The following CFAP47 variants were observed in gnomAD, a reference collection of about 807,000 sequenced individuals.
The protein encoded by CFAP47 is cilia and flagella associated protein 47.
Under a neutral mutation model 148.1 loss-of-function variants are expected in CFAP47, and 29 were observed. The ratio of observed to expected loss-of-function variants is 0.20; its 90% CI spans 0.15 to 0.27. CFAP47 has a LOEUF of 0.27. CFAP47 is among the 10% of genes least tolerant of loss of function. The pLI, the probability that CFAP47 is intolerant of heterozygous loss-of-function variation, is 1.00. For synonymous variants in CFAP47, 664 were observed against 577.3 expected (o/e 1.15, Z -2.15); for missense variants, 1,872 against 1,697.5 (o/e 1.10, Z -1.81).
At chrX:36,120,926 G>A (rs1938731871) in intron 33 of CFAP47, among the ~76,000 whole-genome samples, 1 of 111,325 alleles carries the variant, frequency 9.0e-6, no homozygotes, top group Admixed American at 9.6e-5. Flanking sequence ...TTGATTTTCT[G>A]TCTGGAAGAG....
chrX:36,107,477 A>G (rs1193368022), intron 33 of CFAP47, among the ~76,000 whole-genome samples: 1 of 112,709 alleles, frequency 8.9e-6, no homozygotes, highest in Non-Finnish European at 1.9e-5. Flanking sequence ...TCTTAAATAA[A>G]TCAATGGCTA....
intron 51 of CFAP47, 84 bp from the exon 52 acceptor site, chrX:36,298,893 T>C (rs898342049): frequency 1.8e-6 from 1 of 566,881 alleles, no homozygotes; most frequent in Non-Finnish European, 2.8e-6. Flanking sequence ...TATTATGTAA[T>C]AATTTCCTTT....
Position 36,121,702 on chromosome X carries a change from T to A in CFAP47, c.5321-16256T>A, listed in dbSNP as rs1012077066. 5.4e-5 allele frequency among the ~76,000 whole-genome samples: 6 copies of A among 111,394 alleles called. No individual in the cohort carries two copies. In the East Asian group the frequency reaches 1.4e-3, roughly 26 times the overall value. On this transcript the variant is annotated intron_variant, in intron 33 of 63. Transcript: ENST00000378653. ...CATCCCTCCCCATCTTCTGAACTTT[T>A]TATTGTTTCTTTTTATATTGTATAG...
intron 62 of CFAP47, among the ~76,000 whole-genome samples, chrX:36,370,197 C>A (rs782515149): frequency 9.1e-5 from 10 of 109,888 alleles, no homozygotes; most frequent in African/African-American, 3.0e-4. Flanking sequence ...GTTTGCTGCA[C>A]CCATCAACTC....
chrX:36,254,423 G>A (rs1479456368), intron 49 of CFAP47, among the ~76,000 whole-genome samples: 1 of 111,100 alleles, frequency 9.0e-6, no homozygotes, highest in Non-Finnish European at 1.9e-5. Flanking sequence ...TGCACTGGGA[G>A]CCATTGAAGA....
intron 11 of CFAP47, 85 bp from the exon 12 acceptor site, chrX:35,971,501 A>G (rs767685679): frequency 1.5e-5 from 9 of 593,000 alleles, no homozygotes; most frequent in Non-Finnish European, 2.5e-6. Flanking sequence ...AGCAATATGC[A>G]CTATGGGAAA....
intron 11 of CFAP47, 97 bp from the exon 12 acceptor site, chrX:35,971,489 G>A: frequency 1.9e-6 from 1 of 518,477 alleles, no homozygotes. Context: ...GAGTGAGGCA[G>A]CAGCAATATG....
chrX:36,099,904 GC>G (rs1466654426), intron 32 of CFAP47, 25 bp downstream of exon 32: 1 of 820,224 alleles, frequency 1.2e-6, no homozygotes, highest in Non-Finnish European at 1.8e-6. Flanking sequence ...ATTGTTCGCT[GC>G]TTCTCTGTTG....
rs1378901303 is a variant in CFAP47, at chrX:36,029,907, A to ATTTC, written c.3557-1343_3557-1342insCTTT. Among the ~76,000 whole-genome samples, 590 of 110,364 alleles carry ATTTC rather than the reference A, an allele frequency of 5.3e-3. 5 individuals carry two copies. The highest frequency in any genetic ancestry group is 0.018 in the African/African-American group (565 of 30,631). ...CAAGAGTTCTTAGTATTTACTAATT[A>ATTTC]TTTATTTATAGCCTGTTATTTTTGG... On this transcript the variant is annotated intron_variant, in intron 22 of 63. Coordinates refer to ENST00000378653, the MANE Select transcript of CFAP47 (RefSeq NM_001304548.2).
chrX:36,077,054 A>T (rs996839747), intron 29 of CFAP47, among the ~76,000 whole-genome samples: 12 of 109,523 alleles, frequency 1.1e-4, no homozygotes, highest in Non-Finnish European at 2.3e-4. Context: ...CTGTAGCTAT[A>T]CAGCTTTATT....
chrX:36,311,115 A>C (rs1556009908), intron 56 of CFAP47, 126 bp downstream of exon 56: 1 of 417,414 alleles, frequency 2.4e-6, no homozygotes, highest in Admixed American at 5.6e-5. Context: ...ATTATCTTAT[A>C]AAAGAGAAAA....
chrX:36,153,968 A>T (rs1023731686), intron 37 of CFAP47, among the ~76,000 whole-genome samples: 2 of 111,866 alleles, frequency 1.8e-5, no homozygotes, highest in Non-Finnish European at 3.8e-5. Flanking sequence ...GGCAGCAAGG[A>T]TGATCTCTGA....
chrX:36,067,834 T>C (rs763664650), intron 27 of CFAP47, among the ~76,000 whole-genome samples: 11 of 109,248 alleles, frequency 1.0e-4, no homozygotes, highest in African/African-American at 1.0e-4. Flanking sequence ...GGCTAATCTT[T>C]TTGTATTTTT....
chrX:36,232,129 A>C (rs1476577599), intron 46 of CFAP47, among the ~76,000 whole-genome samples: 4 of 111,657 alleles, frequency 3.6e-5, no homozygotes, highest in Admixed American at 9.5e-5. Flanking sequence ...CGGCATCATA[A>C]AATGAGTTAG....
chrX:36,286,036 G>T, intron 51 of CFAP47, among the ~76,000 whole-genome samples: 1 of 111,179 alleles, frequency 9.0e-6, no homozygotes, highest in Non-Finnish European at 1.9e-5. Context: ...ATAAAAACAG[G>T]ATTGTGCTAC....
rs781917401 is a variant in CFAP47 at position 36,294,563 on chromosome X, T to A, written c.7687-4414T>A. On this transcript the variant is annotated intron_variant, in intron 51 of 63. Transcript: ENST00000378653. ...GTCTCTACTAAAAATACAAAAAAAA[T>A]TAGCCAGGCATGGTGGCAGGCGCCT... Among the ~76,000 whole-genome samples, 5 of 109,588 alleles carry A rather than the reference T, an allele frequency of 4.6e-5. No individual in the cohort carries two copies. The East Asian group carries it at 1.4e-3, about 32-fold the overall frequency.
At chrX:35,978,563 T>C (rs937161135) in intron 15 of CFAP47, among the ~76,000 whole-genome samples, 1 of 112,075 alleles carries the variant, frequency 8.9e-6, no homozygotes, top group African/African-American at 3.2e-5. Flanking sequence ...AAAATTTTTG[T>C]GTAGGTAATG....
Position 35,951,915 on chromosome X carries a change from C to G in CFAP47, c.998C>G (p.Thr333Ser). The part of the protein sequence containing the change: ...IIISCLPNEG[T>S]LQPYQKTVIT... ...ATCTCCTGTCTTCCTAATGAAGGGA[C>G]TTTACAACCTTATCAAAAGACTGTA... is the stretch of plus-strand genomic sequence containing the variant. The change falls in exon 6 of 64, where the codon ACT becomes AGT. Residue 333 changes from threonine to serine, a missense_variant. By Grantham distance (58) the Thr-to-Ser change is moderately conservative. Transcript: ENST00000378653. The G allele has an allele frequency of 8.5e-7, 1 of 1,173,289 alleles. No individual in the cohort carries two copies. The highest frequency in any genetic ancestry group is 1.1e-6 in the Non-Finnish European group (1 of 884,324).
intron 63 of CFAP47, among the ~76,000 whole-genome samples, chrX:36,380,735 G>A (rs1354304464): frequency 3.6e-5 from 4 of 112,622 alleles, no homozygotes; most frequent in African/African-American, 6.4e-5. Flanking sequence ...GAGCCACCAC[G>A]CCCAGCCTTG....
Sources: gnomAD v4.1 joint callset for allele counts (sites outside exome capture counted in the v4.1 genomes callset) on GRCh38, gnomAD v4.1.1 for gene constraint, MANE v1.5 for transcripts, NCBI Gene and HGNC (gene_info 2026-07-23, HGNC 2026-07-21) for gene names.